Variants in SPTBN1 observed in about 807,000 individuals in gnomAD.
The protein encoded by SPTBN1 is spectrin beta chain, non-erythrocytic 1.
A neutral mutation model predicts 266.4 loss-of-function variants in SPTBN1; 32 were observed. The observed-to-expected ratio is 0.12, with a 90% CI of 0.09 to 0.16. SPTBN1 has a LOEUF of 0.16. SPTBN1 is among the 10% of genes least tolerant of loss of function. SPTBN1 has a pLI of 1.00. For missense variants in SPTBN1, 2,296 were observed against 3,067.1 expected, an observed-to-expected ratio of 0.75 and a Z score of 5.94; for synonymous variants, 1,336 against 1,162.2, an observed-to-expected ratio of 1.15 and a Z score of -3.04.
chr2:54,656,040 G>T, intron 29 of SPTBN1, 42 bp downstream of exon 29: 5 of 1,514,080 alleles, frequency 3.3e-6, no homozygotes, highest in Non-Finnish European at 4.6e-6. Flanking sequence ...GGGTATCAAT[G>T]GAAAACATGC....
chr2:54,627,744 T>G (rs1678448065), intron 12 of SPTBN1, among the ~76,000 whole-genome samples: 1 of 152,212 alleles, frequency 6.6e-6, no homozygotes, highest in African/African-American at 2.4e-5. Flanking sequence ...TATTTTGGAA[T>G]CTTTCATACA....
rs1460425586 is a variant in SPTBN1 at position 54,644,524 on chromosome 2, A to T, written c.4207A>T (p.Ile1403Phe). ...ATGGCTGCACGGCCTGGAGAGTCAG[A>T]TTCAGTCTGATGACTATGGCAAAGA... ...DKWLHGLESQ[I>F]QSDDYGKDLT... is the part of the protein sequence containing the mutation. Residue 1403 changes from isoleucine to phenylalanine, a missense_variant, in exon 20 of 36, where the codon ATT (isoleucine) becomes TTT (phenylalanine). Coordinates refer to ENST00000356805, the MANE Select transcript of SPTBN1 (RefSeq NM_003128.3). 6.2e-7 allele frequency: 1 copy of T among 1,614,150 alleles called. No homozygotes were observed. The highest frequency in any genetic ancestry group is 1.7e-5 in the Admixed American group (1 of 60,024).
chr2:54,662,219 G>T (rs1287974851), intron 32 of SPTBN1: 2 of 985,348 alleles, frequency 2.0e-6, no homozygotes, highest in African/African-American at 3.5e-5. Context: ...TCATAGCACT[G>T]TGATTGCTTT....
intron 35 of SPTBN1, 62 bp downstream of exon 35, chr2:54,667,708 T>A: frequency 6.9e-7 from 1 of 1,447,640 alleles, no homozygotes; most frequent in Non-Finnish European, 9.7e-7. Flanking sequence ...TGTGTGATGA[T>A]GGGCTTTATT....
rs141915885 is a variant in SPTBN1, at chr2:54,497,425, C to T, written c.-47-28947C>T. ...TACTTTCTTCCTTCTTCCTTTGAGA[C>T]TCACTCTAACCACCAGGGAGTCACC... is the stretch of plus-strand genomic sequence containing the variant. On this transcript the variant is annotated intron_variant, in intron 1 of 35. Transcript: ENST00000356805. Among the ~76,000 whole-genome samples, 771 of 152,166 alleles carry T rather than the reference C, an allele frequency of 5.1e-3. 4 individuals are homozygous for T. Among genetic ancestry groups the T allele is most frequent in the African/African-American group, 0.018 (729 of 41,500 alleles).
Position 54,646,998 on chromosome 2 carries a change from T to C in SPTBN1, c.4867-133T>C. ...CTTGGAACACTTCTGTGTTCCACTGTCCGTACTGCACCTCTGGAGTTTTTC... is the reference window on the plus strand; with the variant it reads ...CTTGGAACACTTCTGTGTTCCACTGCCCGTACTGCACCTCTGGAGTTTTTC... On this transcript the variant is annotated intron_variant, in intron 23 of 35. Transcript: ENST00000356805. The surrounding 1 kb of genome is among the most constrained non-coding windows in gnomAD (Gnocchi z 4.4). 1 of 1,309,776 alleles carries C rather than the reference T, an allele frequency of 7.6e-7. No homozygotes were observed. The highest frequency in any genetic ancestry group is 2.4e-5 in the East Asian group (1 of 42,474). The allele number at this position is 1,309,776 out of a possible 1,614,324, so 81.1% of individuals were successfully genotyped here. A position where few individuals can be genotyped will look rare whatever the true frequency, so the allele number is the denominator to read the frequency against.
At chr2:54,489,129 T>C (rs1288310267) in intron 1 of SPTBN1, among the ~76,000 whole-genome samples, 2 of 134,730 alleles carry the variant, frequency 1.5e-5, no homozygotes, top group Non-Finnish European at 3.1e-5. Flanking sequence ...AAGACTAGCC[T>C]AGGCAAAACC....
chr2:54,539,965 G>C (rs1671839410), intron 2 of SPTBN1, among the ~76,000 whole-genome samples: 1 of 152,164 alleles, frequency 6.6e-6, no homozygotes, highest in African/African-American at 2.4e-5. Context: ...GGGTAATTAG[G>C]TCATGAAAGT....
chr2:54,522,701 A>AGAGAGAGAGAGAGAGAGAGAGAAAGAG (rs1558802720), intron 1 of SPTBN1, among the ~76,000 whole-genome samples: 1 of 70,144 alleles, frequency 1.4e-5, no homozygotes, highest in Non-Finnish European at 3.1e-5. Context: ...GAGAGAGAGA[A>AGAGAGAGAGAGAGAGAGAGAGAAAGAG]AGAAAGAAAG....
Position 54,623,486 on chromosome 2 carries a change from G to A in SPTBN1, c.1072G>A (p.Glu358Lys). The change falls in exon 10 of 36, where the codon GAG becomes AAG. Residue 358 changes from glutamate (E) to lysine (K), a missense_variant. Around this residue, in one of 12 missense-constraint regions of SPTBN1, gnomAD observed 148 missense variants for 203.8 expected, o/e 0.73. Transcript: ENST00000356805. ...RTVEKPPKFT[E>K]KGNLEVLLFT... Reference sequence around the variant, plus strand: ...GTTTTCCCCTGTGTTTAGATTTACTGAGAAGGGGAACTTGGAAGTGCTGCT... The same window carrying A: ...GTTTTCCCCTGTGTTTAGATTTACTAAGAAGGGGAACTTGGAAGTGCTGCT... The A allele has an allele frequency of 1.9e-6, 3 of 1,613,916 alleles. No homozygotes were observed. The highest frequency in any genetic ancestry group is 2.5e-6 in the Non-Finnish European group (3 of 1,179,874).
chr2:54,649,545 G>A lies in SPTBN1; in HGVS notation c.5203-70G>A. 6.4e-7 allele frequency: 1 copy of A among 1,557,510 alleles called. No homozygotes were observed. The highest frequency in any genetic ancestry group is 1.2e-5 in the South Asian group (1 of 81,592). On this transcript the variant is annotated intron_variant, in intron 25 of 35. Transcript: ENST00000356805. This position sits in a 1 kb window ranked among gnomAD's most constrained non-coding sequence, Gnocchi z 6.7. The stretch of plus-strand genomic sequence containing the variant: ...CTTAGAGGCAGTTTCTTTCCAAAGG[G>A]TATTCATGTGATCAAGAAATACAGA...
chr2:54,594,811 T>C (rs1675944275), intron 2 of SPTBN1, among the ~76,000 whole-genome samples: 1 of 148,714 alleles, frequency 6.7e-6, no homozygotes, highest in Non-Finnish European at 1.5e-5. Context: ...ATTTTACGAT[T>C]CCATGACCCT....
rs946668843 is a variant in SPTBN1, at chr2:54,554,388, G to C, written c.148+27822G>C. Among the ~76,000 whole-genome samples, 1 of 152,124 alleles carries C rather than the reference G, an allele frequency of 6.6e-6. No homozygotes were observed. The highest frequency in any genetic ancestry group is 1.9e-4 in the East Asian group (1 of 5,190). On this transcript the variant is annotated intron_variant, in intron 2 of 35. Transcript: ENST00000356805. The surrounding 1 kb of genome is among the most constrained non-coding windows in gnomAD (Gnocchi z 4.5). The stretch of plus-strand genomic sequence containing the variant: ...AATGGTGACCATACCTGCCTCACAG[G>C]GTTAGTCACTTGAGAAAATATATGT...
rs377472638 is a variant in SPTBN1 at position 54,558,801 on chromosome 2, G to A, written c.148+32235G>A. On this transcript the variant is annotated intron_variant, in intron 2 of 35. Coordinates refer to ENST00000356805, the MANE Select transcript of SPTBN1 (RefSeq NM_003128.3). The surrounding 1 kb of genome is among the most constrained non-coding windows in gnomAD (Gnocchi z 4.6). ...ATAATGGAATTGCAGAGGACGTCTA[G>A]TATCTCCGGGCCGCTGTCGCCGGCG... 1 of 1,613,776 alleles carries A rather than the reference G, an allele frequency of 6.2e-7. No homozygotes were observed. The highest frequency in any genetic ancestry group is 1.7e-5 in the Admixed American group (1 of 59,982).
chr2:54,659,714 C>T (rs983149552), intron 31 of SPTBN1, among the ~76,000 whole-genome samples: 2 of 152,060 alleles, frequency 1.3e-5, no homozygotes, highest in Admixed American at 1.3e-4. Flanking sequence ...TCTAATGCTG[C>T]CTTTATGTGG....
chr2:54,485,788 G>T (rs1411493390), intron 1 of SPTBN1, among the ~76,000 whole-genome samples: 1 of 150,490 alleles, frequency 6.6e-6, no homozygotes, highest in Admixed American at 6.6e-5. Flanking sequence ...GAAGTGAGGA[G>T]CGTCTCTGCC....
In SPTBN1 at chr2:54,625,936, A is replaced by C; in HGVS notation, c.1346A>C (p.Asn449Thr). The C allele has an allele frequency of 6.2e-7, 1 of 1,612,880 alleles. No homozygotes were observed. The highest frequency in any genetic ancestry group is 8.5e-7 in the Non-Finnish European group (1 of 1,178,966). Residue 449 changes from asparagine to threonine, a missense_variant, in exon 12 of 36, where the codon AAC becomes ACC. This residue lies in a region of SPTBN1 where 148 missense variants were observed against 203.8 expected (regional missense o/e 0.73). Transcript: ENST00000356805. ...SENQRLVSQD[N>T]FGFDLPAVEA... The stretch of plus-strand genomic sequence containing the variant: ...TTTCATTCCGTTTCTCTGTAGGACA[A>C]CTTTGGGTTTGACCTTCCTGCAGTT...
At chr2:54,625,793 G>A (rs561904849) in intron 11 of SPTBN1, 139 bp from the exon 12 acceptor site, 1 of 901,908 alleles carries the variant, frequency 1.1e-6, no homozygotes, top group South Asian at 1.8e-5. Context: ...GTTTCACAAT[G>A]TTGGCCAGGC....
chr2:54,534,423 A>C (rs1671473807), intron 2 of SPTBN1, among the ~76,000 whole-genome samples: 1 of 152,202 alleles, frequency 6.6e-6, no homozygotes, highest in Non-Finnish European at 1.5e-5. Context: ...CTATACTACC[A>C]TTGTTTGTGA....
Sources: allele counts gnomAD v4.1 joint callset (sites outside exome capture counted in the v4.1 genomes callset), GRCh38; gene constraint gnomAD v4.1.1; regional missense constraint gnomAD v4.1.1; non-coding constraint Gnocchi (gnomAD v3.1); transcripts MANE v1.5; gene names NCBI Gene and HGNC (gene_info 2026-07-23, HGNC 2026-07-21).